The following UHRF1 variants were observed in gnomAD, a reference collection of about 807,000 sequenced individuals.
UHRF1 encodes the protein ubiquitin like with PHD and ring finger domains 1.
Under a neutral mutation model 96.5 loss-of-function variants are expected in UHRF1, and 9 were observed. The observed-to-expected ratio is 0.09, with a 90% CI of 0.06 to 0.16. UHRF1 has a LOEUF of 0.16. Ranked by LOEUF, UHRF1 falls within the 10% of genes least tolerant of loss-of-function variation. The probability of loss-of-function intolerance (pLI) is 1.00; values close to 1 mark genes in which losing one functional copy is unlikely to be tolerated. For missense variants in UHRF1, 626 were observed against 1,131.1 expected (o/e 0.55, Z 6.40); for synonymous variants, 455 against 469.9 (o/e 0.97, Z 0.41).
At chr19:4,949,067 G>A (rs1422753146) in intron 11 of UHRF1, among the ~76,000 whole-genome samples, 3 of 150,986 alleles carry the variant, frequency 2.0e-5, no homozygotes, top group Admixed American at 6.6e-5. Context: ...CCTGGGAGGC[G>A]GAGCTTGCAG....
intron 3 of UHRF1, 40 bp downstream of exon 3, chr19:4,929,516 C>A (rs372027984): frequency 1.9e-6 from 3 of 1,585,494 alleles, no homozygotes; most frequent in African/African-American, 2.7e-5. Context: ...GTTGGACGTT[C>A]TCCCTGCCAT....
chr19:4,937,019 A>AC (rs964289151), intron 5 of UHRF1, among the ~76,000 whole-genome samples: 1 of 149,016 alleles, frequency 6.7e-6, no homozygotes, highest in African/African-American at 2.5e-5. Flanking sequence ...CTGGTCCCTG[A>AC]CCCCCGGCAA....
At chr19:4,953,494 C>T (rs769285063) in intron 13 of UHRF1, among the ~76,000 whole-genome samples, 5 of 152,116 alleles carry the variant, frequency 3.3e-5, no homozygotes, top group Non-Finnish European at 5.9e-5. Context: ...GACCAGGTCT[C>T]GCTCTGTTGT....
chr19:4,942,177 CT>C (rs2033425401), intron 7 of UHRF1, among the ~76,000 whole-genome samples: 1 of 151,946 alleles, frequency 6.6e-6, no homozygotes, highest in Admixed American at 6.6e-5. Context: ...GAGACGGAGT[CT>C]TTTTTCTTTT....
At chr19:4,958,207 C>A (rs1359588432) in intron 16 of UHRF1, among the ~76,000 whole-genome samples, 1 of 152,222 alleles carries the variant, frequency 6.6e-6, no homozygotes, top group Non-Finnish European at 1.5e-5. Context: ...AGTGAGGTGG[C>A]AGAAGGGGTG....
intron 5 of UHRF1, among the ~76,000 whole-genome samples, chr19:4,938,032 C>G (rs1386376663): frequency 6.6e-6 from 1 of 151,914 alleles, no homozygotes; most frequent in African/African-American, 2.4e-5. Context: ...TGTGCACCTG[C>G]AGCCCCAGCT....
Position 4,930,355 on chromosome 19 carries a change from G to C in UHRF1, c.409-361G>C, listed in dbSNP as rs1184491751. ...ATTCCGGGGCTCAAGCGATCCACCT[G>C]CCTCGGCCTCCCAAAGTGCTGGTAT... On this transcript the variant is annotated intron_variant, in intron 3 of 16. Transcript: ENST00000650932. The surrounding 1 kb of genome is among the most constrained non-coding windows in gnomAD (Gnocchi z 4.4). 6.6e-6 allele frequency among the ~76,000 whole-genome samples: 1 copy of C among 152,194 alleles called. No homozygotes were observed. The highest frequency in any genetic ancestry group is 2.4e-5 in the African/African-American group (1 of 41,442).
intron 2 of UHRF1, among the ~76,000 whole-genome samples, chr19:4,913,706 C>T (rs1262169784): frequency 6.6e-6 from 1 of 152,106 alleles, no homozygotes; most frequent in African/African-American, 2.4e-5. Flanking sequence ...ATTTCGTCTC[C>T]CAGGTCAGCT....
At chr19:4,916,108 G>A (rs1353485015) in intron 2 of UHRF1, among the ~76,000 whole-genome samples, 6 of 151,844 alleles carry the variant, frequency 4.0e-5, no homozygotes, top group African/African-American at 1.5e-4. Flanking sequence ...GGGAGTTTGA[G>A]ACCAGCCTGG....
In UHRF1 at chr19:4,914,904, C is replaced by T. The variant is rs528976969; in HGVS notation, c.153+3866C>T. On this transcript the variant is annotated intron_variant, in intron 2 of 16. Transcript: ENST00000650932. ...CCCTGTGCCAGGCTCACAATGAAAGCGAAATCAATCTCTTAGCACAGGGCC... is the reference window on the plus strand; with the variant it reads ...CCCTGTGCCAGGCTCACAATGAAAGTGAAATCAATCTCTTAGCACAGGGCC... Among the ~76,000 whole-genome samples the T allele has an allele frequency of 5.9e-5, 9 of 152,184 alleles. No individual in the cohort carries two copies. In the South Asian group the frequency reaches 8.3e-4, roughly 14 times the overall value.
intron 1 of UHRF1, among the ~76,000 whole-genome samples, chr19:4,903,831 C>G (rs1460007281): frequency 6.6e-6 from 1 of 152,060 alleles, no homozygotes; most frequent in African/African-American, 2.4e-5. Flanking sequence ...ATCTTAAAGA[C>G]TCTACATTTA....
intron 2 of UHRF1, among the ~76,000 whole-genome samples, chr19:4,924,293 G>A (rs1008388047): frequency 2.6e-5 from 4 of 152,174 alleles, no homozygotes; most frequent in African/African-American, 9.7e-5. Flanking sequence ...GGGACTACAG[G>A]TGCCCGCCAC....
At chr19:4,911,074 G>C (rs2032251613) in intron 2 of UHRF1, 36 bp downstream of exon 2, 4 of 1,488,536 alleles carry the variant, frequency 2.7e-6, no homozygotes, top group Non-Finnish European at 3.6e-6. Context: ...TCTATGCCTG[G>C]TCCAGGCCTC....
intron 15 of UHRF1, among the ~76,000 whole-genome samples, chr19:4,956,496 C>A (rs954332343): frequency 6.6e-6 from 1 of 152,244 alleles, no homozygotes; most frequent in Admixed American, 6.5e-5. Context: ...ATCCTCCCCA[C>A]CTTGCCACTT....
At chr19:4,904,338 C>T (rs1393738933) in intron 1 of UHRF1, among the ~76,000 whole-genome samples, 1 of 152,126 alleles carries the variant, frequency 6.6e-6, no homozygotes, top group African/African-American at 2.4e-5. Flanking sequence ...GCCACAAATG[C>T]CTGGCTAATT....
intron 13 of UHRF1, among the ~76,000 whole-genome samples, chr19:4,952,360 C>T (rs1309410902): frequency 2.1e-5 from 3 of 139,734 alleles, no homozygotes; most frequent in African/African-American, 5.4e-5. Context: ...TCCCAAAGTG[C>T]TGGGATTACA....
intron 2 of UHRF1, among the ~76,000 whole-genome samples, chr19:4,927,380 CAAAA>C (rs35783129): frequency 2.4e-5 from 2 of 83,498 alleles, no homozygotes; most frequent in African/African-American, 4.7e-5. Context: ...GACTCCATCT[CAAAA>C]AAAAAAAAAA....
In UHRF1 at chr19:4,954,610, G is replaced by A; in HGVS notation, c.1958-40G>A. The A allele has an allele frequency of 6.2e-7, 1 of 1,603,754 alleles. No homozygotes were observed. The highest frequency in any genetic ancestry group is 2.2e-5 in the East Asian group (1 of 44,568). On this transcript the variant is annotated intron_variant, in intron 14 of 16. Transcript: ENST00000650932. The surrounding 1 kb of genome is among the most constrained non-coding windows in gnomAD (Gnocchi z 5.9). Reference sequence around the variant, plus strand: ...CGGTGGCTGTCTCTCCGGCAGCTCGGGCCACGCGCCCCTCCCTCACGCGCC... The same window carrying A: ...CGGTGGCTGTCTCTCCGGCAGCTCGAGCCACGCGCCCCTCCCTCACGCGCC...
At chr19:4,934,650 C>T (rs533145418) in intron 5 of UHRF1, among the ~76,000 whole-genome samples, 1 of 152,264 alleles carries the variant, frequency 6.6e-6, no homozygotes, top group Non-Finnish European at 1.5e-5. Context: ...TTTTTGTGGC[C>T]GAGTGATAGT....
Sources: gnomAD v4.1 joint callset for allele counts (sites outside exome capture counted in the v4.1 genomes callset) on GRCh38, gnomAD v4.1.1 for gene constraint, Gnocchi (gnomAD v3.1) non-coding constraint, MANE v1.5 for transcripts, NCBI Gene and HGNC (gene_info 2026-07-23, HGNC 2026-07-21) for gene names.